Variants in RAD51AP2 observed in about 807,000 individuals in gnomAD.
The protein encoded by RAD51AP2 is RAD51 associated protein 2.
A neutral mutation model predicts 85.5 loss-of-function variants in RAD51AP2; 67 were observed. That is an observed-to-expected ratio of 0.78 (90% CI 0.64 to 0.96). RAD51AP2 has a LOEUF of 0.96. Among genes scored for constraint, RAD51AP2 ranks in the 40% least tolerant of loss-of-function variants. RAD51AP2 has a pLI of 0.00. For synonymous variants in RAD51AP2, 474 were observed against 446.5 expected (o/e 1.06, Z -0.78); for missense variants, 1,307 against 1,332.4 (o/e 0.98, Z 0.30).
At chr2:17,530,556 G>A in the RAD51AP2 span, among the ~76,000 whole-genome samples, 1 of 126,084 alleles carries the variant, frequency 7.9e-6, no homozygotes, top group Non-Finnish European at 1.6e-5. Flanking sequence ...ACTGGATCCA[G>A]CCTGGGAAAT....
chr2:17,515,323 G>C lies in RAD51AP2; in HGVS notation c.3093C>G (p.Phe1031Leu). 2 of 1,612,812 alleles carry C rather than the reference G, an allele frequency of 1.2e-6. No homozygotes were observed. Among genetic ancestry groups the C allele is most frequent in the African/African-American group, 2.7e-5 (2 of 75,004 alleles). ...TATTAGGACCTGCTATAGTATCATG[G>C]AACGAGGAAGATGCACGTATTTTGT... ...VVNKIRASSS[F>L]HDTIAGPNMG... Residue 1031 changes from phenylalanine to leucine, a missense_variant, in exon 1 of 3, where the codon TTC becomes TTG. Around this residue, in one of 3 missense-constraint regions of RAD51AP2, gnomAD observed 668 missense variants for 671.0 expected, o/e 1.00. Transcript: ENST00000399080.
chr2:17,516,945 A>G lies in RAD51AP2; in HGVS notation c.1471T>C (p.Leu491=). 1.3e-6 allele frequency: 2 copies of G among 1,599,950 alleles called. No individual in the cohort carries two copies. Among genetic ancestry groups the G allele is most frequent in the South Asian group, 1.1e-5 (1 of 87,196 alleles). ...GKGENDNTLQ[L]RYNTTQKVFH... is the part of the protein sequence containing the mutation. ...ACTTTTTGTGTAGTATTGTATCTCA[A>G]CTGTAGAGTATTATCATTTTCTCCT... The change falls in exon 1 of 3, where the codon TTG becomes CTG. Residue 491 remains leucine (L), a synonymous_variant. Transcript: ENST00000399080.
chr2:17,535,753 T>C, the RAD51AP2 span, among the ~76,000 whole-genome samples: 1 of 151,988 alleles, frequency 6.6e-6, no homozygotes, highest in African/African-American at 2.4e-5. Flanking sequence ...TTTGGAGATG[T>C]TGAGTTTGAG....
intron 2 of RAD51AP2, 116 bp downstream of exon 2, chr2:17,513,896 G>A (rs1662569442): frequency 1.5e-6 from 1 of 646,674 alleles, no homozygotes; most frequent in Non-Finnish European, 2.7e-6. Flanking sequence ...CTTAAAAGGT[G>A]CTAAAACTTT....
Position 17,510,764 on chromosome 2 carries a change from A to G in RAD51AP2, c.*40T>C. On this transcript the variant is annotated 3_prime_UTR_variant, in exon 3 of 3. Coordinates refer to ENST00000399080, the MANE Select transcript of RAD51AP2 (RefSeq NM_001099218.3). The stretch of plus-strand genomic sequence containing the variant: ...AAGAACATATATCCAAAGAAAACAA[A>G]ACATTTCTAGATGTTGTAAAATGTT... The G allele has an allele frequency of 7.2e-7, 1 of 1,390,950 alleles. No individual in the cohort carries two copies. 86.2% of individuals were successfully genotyped at this position (1,390,950 alleles called of 1,614,324 possible).
chr2:17,533,391 T>C, the RAD51AP2 span, among the ~76,000 whole-genome samples: 1 of 152,354 alleles, frequency 6.6e-6, no homozygotes, highest in African/African-American at 2.4e-5. Context: ...CAGTTCCAAA[T>C]CTTATGATTG....
Position 17,517,877 on chromosome 2 carries a change from A to G in RAD51AP2, c.539T>C (p.Val180Ala), listed in dbSNP as rs1662741810. ...IRNENRKQQF[V>A]QGRDNVHKEN... The stretch of plus-strand genomic sequence containing the variant: ...TTTGTGAACATTGTCTCTTCCTTGG[A>G]CAAACTGTTGTTTTCGATTCTCATT... Residue 180 changes from valine (V) to alanine (A), a missense_variant, in exon 1 of 3, where the codon GTC (valine) becomes GCC (alanine). Coordinates refer to ENST00000399080, the MANE Select transcript of RAD51AP2 (RefSeq NM_001099218.3). 1 of 1,614,042 alleles carries G rather than the reference A, an allele frequency of 6.2e-7. No individual in the cohort carries two copies. Among genetic ancestry groups the G allele is most frequent in the African/African-American group, 1.3e-5 (1 of 74,918 alleles).
At chr2:17,526,087 G>C in the RAD51AP2 span, among the ~76,000 whole-genome samples, 8 of 151,690 alleles carry the variant, frequency 5.3e-5, no homozygotes, top group Non-Finnish European at 1.2e-4. Flanking sequence ...TATATGTAAT[G>C]TATAAGTAAT....
At chr2:17,514,197 T>A in intron 1 of RAD51AP2, 105 bp from the exon 2 acceptor site, 1 of 760,764 alleles carries the variant, frequency 1.3e-6, no homozygotes, top group Non-Finnish European at 2.2e-6. Flanking sequence ...AGTTGGCTCC[T>A]AATATTTAGA....
At chr2:17,518,484 C>A, upstream of RAD51AP2, 2 of 1,541,528 alleles carry the variant, frequency 1.3e-6, no homozygotes, top group Non-Finnish European at 8.7e-7. Flanking sequence ...GGTTCCGGGC[C>A]GCTCTGGTCA....
chr2:17,511,209 A>G (rs900275356), intron 2 of RAD51AP2, among the ~76,000 whole-genome samples: 1 of 152,214 alleles, frequency 6.6e-6, no homozygotes, highest in African/African-American at 2.4e-5. Flanking sequence ...CAGCATTCCA[A>G]TCAGGCAGTC....
the RAD51AP2 span, among the ~76,000 whole-genome samples, chr2:17,530,702 T>C: frequency 6.7e-6 from 1 of 149,820 alleles, no homozygotes; most frequent in African/African-American, 2.5e-5. Context: ...AATACAAGCA[T>C]AAATAATAAT....
At chr2:17,518,824 A>G (rs1662789484), upstream of RAD51AP2, among the ~76,000 whole-genome samples, 1 of 152,136 alleles carries the variant, frequency 6.6e-6, no homozygotes, top group African/African-American at 2.4e-5. Flanking sequence ...TTATTTTCTA[A>G]ATTCTAAAAT....
In RAD51AP2 at chr2:17,518,428, A is replaced by G; in HGVS notation, c.-13T>C. On this transcript the variant is annotated 5_prime_UTR_variant, in exon 1 of 3. Transcript: ENST00000399080. ...GAGGGAGAGACATGACAGCGAATGG[A>G]AAGGATCTGTCCGAGTCCCGGCGGG... The G allele has an allele frequency of 6.2e-7, 1 of 1,606,300 alleles. No individual in the cohort carries two copies. Among genetic ancestry groups the G allele is most frequent in the South Asian group, 1.1e-5 (1 of 90,050 alleles).
rs1161862478 is a variant in RAD51AP2, at chr2:17,516,587, T to C, written c.1829A>G (p.Lys610Arg). The part of the protein sequence containing the change: ...DFELEEECIF[K>R]CMLYLKYPKN... ...TGGATACTTCAAATAAAGCATGCAC[T>C]TGAAAATGCATTCCTCTTCTAATTC... The change falls in exon 1 of 3, where the codon AAG becomes AGG. Residue 610 changes from lysine (K) to arginine (R), a missense_variant. This residue lies in a region of RAD51AP2 where 668 missense variants were observed against 671.0 expected (regional missense o/e 1.00). Coordinates refer to ENST00000399080, the MANE Select transcript of RAD51AP2 (RefSeq NM_001099218.3). 3.8e-6 allele frequency: 6 copies of C among 1,587,336 alleles called. No individual in the cohort carries two copies. The highest frequency in any genetic ancestry group is 5.1e-6 in the Non-Finnish European group (6 of 1,167,142).
At chr2:17,518,548 C>T, upstream of RAD51AP2, 1 of 1,190,522 alleles carries the variant, frequency 8.4e-7, no homozygotes, top group Non-Finnish European at 1.2e-6. Flanking sequence ...AGGGTTTGCC[C>T]CACCCCGAAT....
the RAD51AP2 span, among the ~76,000 whole-genome samples, chr2:17,526,032 T>A: frequency 6.6e-6 from 1 of 151,796 alleles, no homozygotes; most frequent in Non-Finnish European, 1.5e-5. Context: ...AGCAGCAAAA[T>A]GAACATATAT....
chr2:17,534,420 AT>A, the RAD51AP2 span, among the ~76,000 whole-genome samples: 2 of 152,004 alleles, frequency 1.3e-5, no homozygotes, highest in Admixed American at 6.5e-5. Flanking sequence ...CTAGTAGCTC[AT>A]TTTTTTTCAG....
At chr2:17,537,183 G>A in the RAD51AP2 span, among the ~76,000 whole-genome samples, 16 of 152,096 alleles carry the variant, frequency 1.1e-4, 1 homozygote, top group East Asian at 1.9e-3. Context: ...TTAGCCAAGC[G>A]TGGTGGTGTG....
Sources: allele counts gnomAD v4.1 joint callset (sites outside exome capture counted in the v4.1 genomes callset), GRCh38; gene constraint gnomAD v4.1.1; regional missense constraint gnomAD v4.1.1; transcripts MANE v1.5; gene names NCBI Gene and HGNC (gene_info 2026-07-23, HGNC 2026-07-21).